TESK2: variants seen among roughly 807,000 people sequenced by gnomAD.
TESK2 encodes dual specificity testis-specific protein kinase 2.
In TESK2, 39 loss-of-function variants were observed where a neutral mutation model predicts 57.1. The observed-to-expected ratio is 0.68, with a 90% confidence interval of 0.53 to 0.89. The LOEUF is 0.89. Among genes scored for constraint, TESK2 ranks in the 40% least tolerant of loss-of-function variants. The probability of loss-of-function intolerance (pLI) is 0.00; values close to 1 mark genes in which losing one functional copy is unlikely to be tolerated. For synonymous variants in TESK2, 249 were observed against 267.9 expected (o/e 0.93, Z 0.69); for missense variants, 646 against 732.1 (o/e 0.88, Z 1.36).
chr1:45,406,028 G>T (rs1649833308), intron 3 of TESK2, among the ~76,000 whole-genome samples: 3 of 152,208 alleles, frequency 2.0e-5, no homozygotes, highest in African/African-American at 7.2e-5. Context: ...TCCAAGACTA[G>T]CCTGGCCAAC....
At chr1:45,478,180 CAA>C (rs977383633) in intron 1 of TESK2, among the ~76,000 whole-genome samples, 1 of 152,200 alleles carries the variant, frequency 6.6e-6, no homozygotes, top group African/African-American at 2.4e-5. Context: ...GCTCACACTT[CAA>C]TATCTATGCA....
chr1:45,490,789 G>A (rs1320852992), intron 1 of TESK2, 63 bp downstream of exon 1: 3 of 152,828 alleles, frequency 2.0e-5, no homozygotes, highest in South Asian at 4.1e-4. Context: ...GAGGTGGAGC[G>A]GCAGCGCGCG....
intron 2 of TESK2, among the ~76,000 whole-genome samples, chr1:45,436,295 C>T (rs1326835769): frequency 6.9e-6 from 1 of 145,136 alleles, no homozygotes; most frequent in Admixed American, 7.3e-5. Flanking sequence ...AGCGATTCTC[C>T]TGCCTCAGCC....
intron 2 of TESK2, among the ~76,000 whole-genome samples, chr1:45,431,349 C>A (rs550847893): frequency 6.6e-6 from 1 of 151,684 alleles, no homozygotes; most frequent in African/African-American, 2.4e-5. Flanking sequence ...ACCCGGGAGA[C>A]GGAGGTTGCA....
chr1:45,466,428 C>T (rs1415143472), intron 1 of TESK2, among the ~76,000 whole-genome samples: 9 of 151,510 alleles, frequency 5.9e-5, no homozygotes, highest in East Asian at 1.9e-4. Flanking sequence ...GAGCTGAGAT[C>T]GTGCCACTGC....
chr1:45,461,178 A>T (rs1427998939), intron 1 of TESK2, among the ~76,000 whole-genome samples: 1 of 151,546 alleles, frequency 6.6e-6, no homozygotes, highest in East Asian at 1.9e-4. Flanking sequence ...TTTTTTAAAC[A>T]TCAGGAATTT....
At chr1:45,417,925 T>A (rs1650313741) in intron 3 of TESK2, among the ~76,000 whole-genome samples, 1 of 152,204 alleles carries the variant, frequency 6.6e-6, no homozygotes, top group Admixed American at 6.5e-5. Flanking sequence ...AGTTTCAGGT[T>A]ATACTATACC....
intron 2 of TESK2, among the ~76,000 whole-genome samples, chr1:45,443,105 A>G (rs536093780): frequency 2.9e-4 from 43 of 146,758 alleles, no homozygotes; most frequent in African/African-American, 1.0e-3. Flanking sequence ...CTAAGAAGCT[A>G]AACACACTTA....
chr1:45,477,690 G>A (rs939329320), intron 1 of TESK2, among the ~76,000 whole-genome samples: 1 of 133,778 alleles, frequency 7.5e-6, no homozygotes, highest in Non-Finnish European at 1.6e-5. Flanking sequence ...ACCTGTAACT[G>A]TTCAGACAAT....
chr1:45,356,496 T>C (rs964657995), intron 4 of TESK2, among the ~76,000 whole-genome samples: 1 of 151,786 alleles, frequency 6.6e-6, no homozygotes, highest in African/African-American at 2.4e-5. Context: ...GACGTGATGG[T>C]GCACACATGT....
At chr1:45,347,138 C>T in intron 7 of TESK2, 76 bp from the exon 8 acceptor site, 1 of 1,300,452 alleles carries the variant, frequency 7.7e-7, no homozygotes, top group Non-Finnish European at 1.1e-6. Flanking sequence ...CCTGCCTCCC[C>T]TGCACCCCAC....
At chr1:45,386,016 T>C (rs1001135149) in intron 3 of TESK2, 56 bp from the exon 4 acceptor site, 1 of 1,403,754 alleles carries the variant, frequency 7.1e-7, no homozygotes, top group Non-Finnish European at 1.0e-6. Flanking sequence ...TATAAATTCA[T>C]ATAGAGAAAT....
At chr1:45,482,930 AGATGGC>A (rs1653290018) in intron 1 of TESK2, among the ~76,000 whole-genome samples, 1 of 148,762 alleles carries the variant, frequency 6.7e-6, no homozygotes, top group Admixed American at 6.8e-5. Context: ...CAGTGAGCTG[AGATGGC>A]GCCATTGCAC....
rs571084153 is a variant in TESK2 at position 45,419,069 on chromosome 1, C to T, written c.344+2656G>A. Among the ~76,000 whole-genome samples, 4 of 152,074 alleles carry T rather than the reference C, an allele frequency of 2.6e-5. No individual in the cohort carries two copies. In the East Asian group the frequency reaches 7.7e-4, roughly 29 times the overall value. On this transcript the variant is annotated intron_variant, in intron 3 of 10. Coordinates refer to ENST00000372086, the MANE Select transcript of TESK2 (RefSeq NM_007170.3). ...CTCAGCTCACTGAAACCACTGCCTC[C>T]CAGGTTCAAGAGCTTCTCCTGCCTC...
At chr1:45,464,858 TG>T (rs1360430460) in intron 1 of TESK2, among the ~76,000 whole-genome samples, 2 of 152,192 alleles carry the variant, frequency 1.3e-5, no homozygotes, top group Non-Finnish European at 2.9e-5. Flanking sequence ...CCTAGCACTT[TG>T]GGAGGCCAAG....
chr1:45,464,792 A>G (rs1204155293), intron 1 of TESK2, among the ~76,000 whole-genome samples: 2 of 152,172 alleles, frequency 1.3e-5, no homozygotes, highest in African/African-American at 4.8e-5. Flanking sequence ...TCAGCTAGCT[A>G]GGAAGAGGTA....
At chr1:45,375,436 T>C (rs553562052) in intron 4 of TESK2, among the ~76,000 whole-genome samples, 3 of 151,968 alleles carry the variant, frequency 2.0e-5, no homozygotes, top group African/African-American at 7.2e-5. Flanking sequence ...TTTTTTTTTT[T>C]TTTGTGAGCC....
chr1:45,451,720 T>C lies in TESK2; in HGVS notation c.222+5844A>G, dbSNP rs543211127. Among the ~76,000 whole-genome samples, 276 of 152,274 alleles carry C rather than the reference T, an allele frequency of 1.8e-3. 1 individual carries two copies. The highest frequency in any genetic ancestry group is 6.3e-3 in the African/African-American group (261 of 41,542). On this transcript the variant is annotated intron_variant, in intron 2 of 10. Transcript: ENST00000372086. ...TGGTGTTTCTTTGAAGCACGAACCT[T>C]TGTTTTATAATAATTAAAATCTTTA...
At chr1:45,358,687 G>A (rs1647549563) in intron 4 of TESK2, among the ~76,000 whole-genome samples, 1 of 151,540 alleles carries the variant, frequency 6.6e-6, no homozygotes, top group South Asian at 2.1e-4. Context: ...AAGGTTTGAG[G>A]GTAGTACACC....
Sources: gnomAD v4.1 joint callset for allele counts (sites outside exome capture counted in the v4.1 genomes callset) on GRCh38, gnomAD v4.1.1 for gene constraint, MANE v1.5 for transcripts, NCBI Gene and HGNC (gene_info 2026-07-23, HGNC 2026-07-21) for gene names.